Variants in NRXN3 observed in about 807,000 individuals in gnomAD.
NRXN3 encodes neurexin 3, also known as neurexin III.
NRXN3 carries 32 observed loss-of-function variants against 137.6 expected under a neutral mutation model. The ratio of observed to expected loss-of-function variants is 0.23; its 90% confidence interval spans 0.18 to 0.31. The LOEUF is 0.31. Ranked by LOEUF, NRXN3 falls within the 10% of genes least tolerant of loss-of-function variation. The pLI, the probability that NRXN3 is intolerant of heterozygous loss-of-function variation, is 1.00. For missense variants in NRXN3, 1,574 were observed against 2,062.5 expected (o/e 0.76, Z 4.59); for synonymous variants, 798 against 784.5 (o/e 1.02, Z -0.29).
chr14:78,992,269 A>G (rs10131645), intron 15 of NRXN3, among the ~76,000 whole-genome samples: 34,472 of 152,148 alleles, frequency 0.23, 4,318 homozygotes, highest in Admixed American at 0.38. Context: ...GGAAGAAAAC[A>G]TAAGTAACAT....
At chr14:79,675,932 C>G (rs1017901565) in intron 17 of NRXN3, among the ~76,000 whole-genome samples, 4 of 152,054 alleles carry the variant, frequency 2.6e-5, no homozygotes, top group African/African-American at 9.7e-5. Flanking sequence ...CTTTTAAATT[C>G]AAGAATTTTG....
chr14:78,588,160 G>A (rs2097084928), intron 4 of NRXN3, among the ~76,000 whole-genome samples: 2 of 152,054 alleles, frequency 1.3e-5, no homozygotes, highest in African/African-American at 2.4e-5. Flanking sequence ...GGATTCTTGG[G>A]TACCTTACTA....
At chr14:79,094,796 G>A (rs2049925699) in intron 15 of NRXN3, among the ~76,000 whole-genome samples, 1 of 152,084 alleles carries the variant, frequency 6.6e-6, no homozygotes, top group African/African-American at 2.4e-5. Context: ...AAGCCTTACT[G>A]AATTTCCTCT....
intron 15 of NRXN3, among the ~76,000 whole-genome samples, chr14:79,178,049 G>C (rs527424429): frequency 6.6e-6 from 1 of 152,356 alleles, no homozygotes; most frequent in South Asian, 2.1e-4. Flanking sequence ...GACAAAGAGA[G>C]AGGTGCTCCA....
chr14:79,413,590 G>A (rs2095450871), intron 15 of NRXN3, among the ~76,000 whole-genome samples: 1 of 152,056 alleles, frequency 6.6e-6, no homozygotes. Context: ...AGGTTGGCCT[G>A]CTATGGTACA....
intron 16 of NRXN3, among the ~76,000 whole-genome samples, chr14:79,628,085 A>G (rs1415231740): frequency 6.6e-6 from 1 of 152,194 alleles, no homozygotes; most frequent in Non-Finnish European, 1.5e-5. Flanking sequence ...GTTGACATAA[A>G]AGTAATTGAA....
rs140045232 is a variant in NRXN3, at chr14:78,516,391, A to G, written c.758-128729A>G. 8.8e-5 allele frequency among the ~76,000 whole-genome samples: 8 copies of G among 91,302 alleles called. No individual in the cohort carries two copies. The East Asian group carries it at 2.7e-3, about 31-fold the overall frequency. The allele number at this position is 91,302 out of a possible 152,430, so 59.9% of individuals were successfully genotyped here. On this transcript the variant is annotated intron_variant, in intron 4 of 20. Coordinates refer to ENST00000335750, the MANE Select transcript of NRXN3 (RefSeq NM_001330195.2). Reference sequence around the variant, plus strand: ...GAATTGGGGCTAGGCTGAGCAGCAGAGGAGAGATTGGCTGTGGAGAGTATA... The same window carrying G: ...GAATTGGGGCTAGGCTGAGCAGCAGGGGAGAGATTGGCTGTGGAGAGTATA...
At chr14:78,744,483 G>A (rs1358236746) in intron 8 of NRXN3, 1 of 152,168 alleles carries the variant, frequency 6.6e-6, no homozygotes, top group Non-Finnish European at 1.5e-5. Context: ...GAGAAAAAGA[G>A]AATTTCAGTT....
At chr14:78,183,487 A>G (rs1407035554) in intron 1 of NRXN3, among the ~76,000 whole-genome samples, 1 of 152,166 alleles carries the variant, frequency 6.6e-6, no homozygotes, top group African/African-American at 2.4e-5. Flanking sequence ...GAGCCAGGAG[A>G]AGGAGGCAAG....
At chr14:78,507,111 G>T (rs1478058761) in intron 4 of NRXN3, among the ~76,000 whole-genome samples, 2 of 152,128 alleles carry the variant, frequency 1.3e-5, no homozygotes, top group Admixed American at 1.3e-4. Context: ...ACAGCTACAT[G>T]TGGGTGACGC....
chr14:78,887,990 A>C (rs1179416988), intron 10 of NRXN3, among the ~76,000 whole-genome samples: 2 of 152,040 alleles, frequency 1.3e-5, no homozygotes. Context: ...TATTTATTAA[A>C]TCATCTGGGT....
intron 19 of NRXN3, among the ~76,000 whole-genome samples, chr14:79,793,889 A>G (rs1162520896): frequency 1.3e-5 from 2 of 152,206 alleles, no homozygotes; most frequent in Non-Finnish European, 2.9e-5. Flanking sequence ...TAGCCCATAT[A>G]TGCATGTGTC....
At chr14:79,379,030 G>C (rs375184734) in intron 15 of NRXN3, among the ~76,000 whole-genome samples, 83 of 152,290 alleles carry the variant, frequency 5.5e-4, no homozygotes, top group Admixed American at 1.8e-3. Context: ...GTGGACGATA[G>C]ATAGCCTTTA....
intron 19 of NRXN3, among the ~76,000 whole-genome samples, chr14:79,744,271 A>G (rs35397813): frequency 0.045 from 6,912 of 152,288 alleles, 231 homozygotes; most frequent in Non-Finnish European, 0.073. Context: ...TCCAACAAGG[A>G]ACTACAAATA....
At chr14:78,743,672 G>C (rs1335283364) in intron 8 of NRXN3, among the ~76,000 whole-genome samples, 2 of 152,134 alleles carry the variant, frequency 1.3e-5, no homozygotes, top group South Asian at 4.1e-4. Context: ...TAAGACCAAG[G>C]CACAAAATAT....
intron 15 of NRXN3, among the ~76,000 whole-genome samples, chr14:79,226,272 A>T (rs1340156316): frequency 3.3e-5 from 5 of 152,234 alleles, no homozygotes; most frequent in Non-Finnish European, 5.9e-5. Flanking sequence ...CAAGCTGCCT[A>T]TAATATGTGC....
intron 15 of NRXN3, among the ~76,000 whole-genome samples, chr14:79,266,088 G>T (rs555711977): frequency 2.0e-5 from 3 of 152,026 alleles, no homozygotes; most frequent in East Asian, 1.9e-4. Context: ...TTTTTAAAAG[G>T]CACCTGGGAA....
At chr14:79,350,684 C>T (rs933206322) in intron 15 of NRXN3, among the ~76,000 whole-genome samples, 1 of 151,874 alleles carries the variant, frequency 6.6e-6, no homozygotes, top group Non-Finnish European at 1.5e-5. Flanking sequence ...GATATGAAGC[C>T]GATTAAGTAT....
chr14:79,819,264 A>G (rs1392458005), intron 20 of NRXN3, among the ~76,000 whole-genome samples: 1 of 152,166 alleles, frequency 6.6e-6, no homozygotes, highest in Non-Finnish European at 1.5e-5. Context: ...CTGTGTTTTC[A>G]TGAAAGTTGA....
Sources: gnomAD v4.1 joint callset for allele counts (sites outside exome capture counted in the v4.1 genomes callset) on GRCh38, gnomAD v4.1.1 for gene constraint, MANE v1.5 for transcripts, NCBI Gene and HGNC (gene_info 2026-07-23, HGNC 2026-07-21) for gene names.